The following MGAT5 variants were observed in gnomAD, a reference collection of about 807,000 sequenced individuals.
The protein encoded by MGAT5 is alpha-1,6-mannosylglycoprotein 6-beta-N-acetylglucosaminyltransferase A.
MGAT5 carries 30 observed loss-of-function variants against 94.3 expected under a neutral mutation model. The observed-to-expected ratio is 0.32, with a 90% CI of 0.24 to 0.43. The LOEUF is 0.43. Ranked by LOEUF, MGAT5 falls within the 20% of genes least tolerant of loss-of-function variation. The probability of loss-of-function intolerance (pLI) is 1.00; values close to 1 mark genes in which losing one functional copy is unlikely to be tolerated. For synonymous variants in MGAT5, 310 were observed against 322.9 expected (o/e 0.96, Z 0.43); for missense variants, 691 against 905.5 (o/e 0.76, Z 3.04).
intron 2 of MGAT5, among the ~76,000 whole-genome samples, chr2:134,303,667 T>C (rs1452697608): frequency 6.6e-6 from 1 of 152,166 alleles, no homozygotes; most frequent in Non-Finnish European, 1.5e-5. Flanking sequence ...GTGAATACTT[T>C]GAACTTTTAT....
At chr2:134,309,923 G>A (rs1218466060) in intron 2 of MGAT5, among the ~76,000 whole-genome samples, 2 of 152,196 alleles carry the variant, frequency 1.3e-5, no homozygotes, top group South Asian at 2.1e-4. Flanking sequence ...AAGGAGGTAT[G>A]AAGAATCTGG....
At position 134,380,231 on chromosome 2, in the gene MGAT5, A is replaced by G. The variant is rs145245045; in HGVS notation, c.1380+17823A>G. 9.2e-5 allele frequency among the ~76,000 whole-genome samples: 14 copies of G among 152,338 alleles called. No homozygotes were observed. In the South Asian group the frequency reaches 1.4e-3, roughly 16 times the overall value. On this transcript the variant is annotated intron_variant, in intron 10 of 15. Transcript: ENST00000281923. ...ATTTCATATGTTAAACAGGCATAAT[A>G]CTTACCTCATGGGATTGTGGAAAGA...
At chr2:134,402,886 C>A in intron 10 of MGAT5, 102 bp from the exon 11 acceptor site, 2 of 1,183,750 alleles carry the variant, frequency 1.7e-6, no homozygotes, top group South Asian at 3.8e-5. Context: ...ATTAAGAACT[C>A]TCTGTCTGTG....
chr2:134,415,031 G>A (rs1683888527), intron 12 of MGAT5, among the ~76,000 whole-genome samples: 1 of 152,162 alleles, frequency 6.6e-6, no homozygotes, highest in African/African-American at 2.4e-5. Context: ...AGGCCACTTA[G>A]TTTGTTTCCA....
intron 15 of MGAT5, among the ~76,000 whole-genome samples, chr2:134,445,587 G>A (rs982654732): frequency 2.0e-5 from 3 of 151,818 alleles, no homozygotes; most frequent in Non-Finnish European, 4.4e-5. Flanking sequence ...CAGTCACAGC[G>A]TGGTCAGCCC....
In MGAT5 at chr2:134,282,858, G is replaced by T. The variant is rs572314662; in HGVS notation, c.406+12308G>T. On this transcript the variant is annotated intron_variant, in intron 2 of 15. Transcript: ENST00000281923. ...CATATTATTGAGTGAGGGAGGCCTG[G>T]GGTTCTCCAGCTAGCTGCCAGCAGG... is the stretch of plus-strand genomic sequence containing the variant. Among the ~76,000 whole-genome samples the T allele has an allele frequency of 1.8e-4, 28 of 152,218 alleles. No individual in the cohort carries two copies. The South Asian group carries it at 4.4e-3, about 24-fold the overall frequency.
At chr2:134,202,224 A>C (rs893943757) in intron 1 of MGAT5, among the ~76,000 whole-genome samples, 1 of 152,138 alleles carries the variant, frequency 6.6e-6, no homozygotes, top group African/African-American at 2.4e-5. Context: ...TCCAAAATTC[A>C]TATGTTGAAA....
At chr2:134,275,044 G>A (rs922682495) in intron 2 of MGAT5, among the ~76,000 whole-genome samples, 7 of 152,288 alleles carry the variant, frequency 4.6e-5, no homozygotes, top group African/African-American at 1.7e-4. Context: ...TTGAAATTTA[G>A]TTGTACCTGT....
At chr2:134,220,083 G>A (rs978063552) in intron 1 of MGAT5, among the ~76,000 whole-genome samples, 1 of 152,214 alleles carries the variant, frequency 6.6e-6, no homozygotes, top group South Asian at 2.1e-4. Context: ...CATGACATAC[G>A]TACCCCTGTT....
At chr2:134,347,892 C>T (rs145130152) in intron 8 of MGAT5, among the ~76,000 whole-genome samples, 2 of 152,298 alleles carry the variant, frequency 1.3e-5, no homozygotes, top group African/African-American at 4.8e-5. Context: ...TTTGCCTGCA[C>T]AGAGTGCTGT....
At chr2:134,312,987 A>G (rs1686772642) in intron 2 of MGAT5, among the ~76,000 whole-genome samples, 1 of 145,070 alleles carries the variant, frequency 6.9e-6, no homozygotes, top group African/African-American at 2.6e-5. Flanking sequence ...TCCTGCCCTG[A>G]CTCTCCCCTT....
chr2:134,310,205 G>A (rs1449902310), intron 2 of MGAT5, among the ~76,000 whole-genome samples: 1 of 152,176 alleles, frequency 6.6e-6, no homozygotes, highest in African/African-American at 2.4e-5. Flanking sequence ...ATAAGAATTT[G>A]TTAATTGTGT....
chr2:134,390,881 T>A (rs1410154515), intron 10 of MGAT5, among the ~76,000 whole-genome samples: 1 of 152,232 alleles, frequency 6.6e-6, no homozygotes, highest in African/African-American at 2.4e-5. Context: ...CTGTATGGTT[T>A]CTTTTACTGG....
chr2:134,198,943 A>G (rs910819079), intron 1 of MGAT5, among the ~76,000 whole-genome samples: 19 of 152,210 alleles, frequency 1.2e-4, no homozygotes, highest in African/African-American at 3.6e-4. Flanking sequence ...AATGAATGGT[A>G]TTTGTGTGTT....
intron 9 of MGAT5, among the ~76,000 whole-genome samples, chr2:134,351,667 A>G (rs902077817): frequency 3.3e-5 from 5 of 152,150 alleles, no homozygotes; most frequent in Admixed American, 2.6e-4. Flanking sequence ...TGGGAAGGGA[A>G]TAAGTTTCCT....
intron 2 of MGAT5, among the ~76,000 whole-genome samples, chr2:134,316,004 C>G (rs1351275833): frequency 1.3e-5 from 2 of 152,074 alleles, no homozygotes; most frequent in Non-Finnish European, 2.9e-5. Context: ...TTTCAATACC[C>G]CTGTGAAATA....
intron 1 of MGAT5, among the ~76,000 whole-genome samples, chr2:134,153,633 C>T (rs2105025445): frequency 6.6e-6 from 1 of 152,210 alleles, no homozygotes; most frequent in East Asian, 1.9e-4. Context: ...GTTATTAATC[C>T]TGTTACAAAT....
At chr2:134,353,806 A>G (rs1679545741) in intron 9 of MGAT5, among the ~76,000 whole-genome samples, 1 of 152,174 alleles carries the variant, frequency 6.6e-6, no homozygotes, top group South Asian at 2.1e-4. Context: ...ACTTGAATGG[A>G]GGAAATATGG....
intron 10 of MGAT5, among the ~76,000 whole-genome samples, chr2:134,400,602 G>A (rs1157964392): frequency 6.6e-6 from 1 of 152,054 alleles, no homozygotes; most frequent in African/African-American, 2.4e-5. Flanking sequence ...CAGGCATTTA[G>A]TCTGGGAACC....
Sources: gnomAD v4.1 joint callset for allele counts (sites outside exome capture counted in the v4.1 genomes callset) on GRCh38, gnomAD v4.1.1 for gene constraint, MANE v1.5 for transcripts, NCBI Gene and HGNC (gene_info 2026-07-23, HGNC 2026-07-21) for gene names.